Variants in CNPY1 observed in about 807,000 individuals in gnomAD.
CNPY1 encodes the protein protein canopy homolog 1.
CNPY1 carries 14 observed loss-of-function variants against 14.4 expected under a neutral mutation model. The observed-to-expected ratio is 0.97, with a 90% CI of 0.64 to 1.52. The LOEUF is 1.52. CNPY1 is among the 40% of genes most tolerant of loss of function. The pLI, the probability that CNPY1 is intolerant of heterozygous loss-of-function variation, is 0.00. For synonymous variants in CNPY1, 43 were observed against 46.5 expected, an observed-to-expected ratio of 0.92 and a Z score of 0.31; for missense variants, 129 against 131.5, an observed-to-expected ratio of 0.98 and a Z score of 0.09.
intron 2 of CNPY1, among the ~76,000 whole-genome samples, chr7:155,537,757 G>A (rs914512718): frequency 6.6e-6 from 1 of 151,958 alleles, no homozygotes; most frequent in African/African-American, 2.4e-5. Flanking sequence ...ACAAAATCAC[G>A]TGTCTGTGTA....
At chr7:155,530,533 T>C (rs1197199729) in intron 2 of CNPY1, among the ~76,000 whole-genome samples, 1 of 152,146 alleles carries the variant, frequency 6.6e-6, no homozygotes, top group Admixed American at 6.5e-5. Context: ...GATCTTGCTA[T>C]GTTGCCCAGG....
At chr7:155,533,319 C>T (rs6949399) in intron 2 of CNPY1, among the ~76,000 whole-genome samples, 10,895 of 152,234 alleles carry the variant, frequency 0.072, 1,319 homozygotes, top group African/African-American at 0.25. Context: ...TCGGATGTGC[C>T]GGCTCGGAAC....
chr7:155,524,637 A>T (rs1036558225), intron 2 of CNPY1, among the ~76,000 whole-genome samples: 1 of 152,216 alleles, frequency 6.6e-6, no homozygotes, highest in Admixed American at 6.5e-5. Context: ...GGGACCAACT[A>T]ATTGTAGGAA....
chr7:155,539,872 G>A (rs1797064787), intron 2 of CNPY1, among the ~76,000 whole-genome samples: 1 of 152,172 alleles, frequency 6.6e-6, no homozygotes, highest in African/African-American at 2.4e-5. Flanking sequence ...GACGCAGGAG[G>A]CAGACATTAT....
At chr7:155,512,422 TC>T (rs1309365415) in intron 2 of CNPY1, among the ~76,000 whole-genome samples, 1 of 152,126 alleles carries the variant, frequency 6.6e-6, no homozygotes. Flanking sequence ...TGCCTATTTC[TC>T]CCCCTTTACG....
chr7:155,509,154 C>G, intron 2 of CNPY1, 57 bp from the exon 3 acceptor site: 1 of 1,041,670 alleles, frequency 9.6e-7, no homozygotes, highest in South Asian at 1.7e-5. Context: ...ACTTCAAAGA[C>G]CTTCCGGCGA....
At chr7:155,538,490 C>T (rs1797048060) in intron 2 of CNPY1, among the ~76,000 whole-genome samples, 1 of 152,144 alleles carries the variant, frequency 6.6e-6, no homozygotes. Flanking sequence ...CCTCCCACCC[C>T]CCTCCTGCTA....
At chr7:155,533,728 G>C (rs965357024) in intron 2 of CNPY1, 1 of 152,162 alleles carries the variant, frequency 6.6e-6, no homozygotes, top group Non-Finnish European at 1.5e-5. Context: ...AATTTCTTAC[G>C]GAGAGGAGAA....
chr7:155,532,487 G>C (rs1368875914), intron 2 of CNPY1, among the ~76,000 whole-genome samples: 1 of 152,172 alleles, frequency 6.6e-6, no homozygotes, highest in Non-Finnish European at 1.5e-5. Flanking sequence ...CGGGCACGGT[G>C]GTGGGCGCCT....
rs114421958 is a variant in CNPY1 at position 155,542,456 on chromosome 7, C to T, written c.99+3375G>A. On this transcript the variant is annotated intron_variant, in intron 2 of 4. Coordinates refer to ENST00000636446, the MANE Select transcript of CNPY1 (RefSeq NM_001393663.1). ...TTCATGGAGACCTCTGCTTGCCCTT[C>T]GGGGCTCACCCAAGCTTCCTGACTG... 5.5e-3 allele frequency among the ~76,000 whole-genome samples: 842 copies of T among 152,296 alleles called. 6 individuals carry two copies. The highest frequency in any genetic ancestry group is 0.019 in the African/African-American group (786 of 41,568).
At chr7:155,513,993 T>C (rs1585307387) in intron 2 of CNPY1, among the ~76,000 whole-genome samples, 1 of 152,376 alleles carries the variant, frequency 6.6e-6, no homozygotes, top group East Asian at 1.9e-4. Context: ...TTAAAAAATC[T>C]TCTAAGCAAG....
At chr7:155,529,149 G>C (rs78923682) in intron 2 of CNPY1, among the ~76,000 whole-genome samples, 38,668 of 152,052 alleles carry the variant, frequency 0.25, 5,906 homozygotes, top group East Asian at 0.33. Context: ...CCCCAGGAGA[G>C]GGAACTGGAC....
At chr7:155,529,551 C>T (rs1796899015) in intron 2 of CNPY1, among the ~76,000 whole-genome samples, 1 of 152,096 alleles carries the variant, frequency 6.6e-6, no homozygotes, top group Non-Finnish European at 1.5e-5. Context: ...TGGCAACCCT[C>T]GGCATTCCTT....
chr7:155,524,457 G>T (rs1020197804), intron 2 of CNPY1, among the ~76,000 whole-genome samples: 27 of 152,182 alleles, frequency 1.8e-4, no homozygotes, highest in Middle Eastern at 3.2e-3. Flanking sequence ...GCTCCCCATT[G>T]TTCACATTAC....
chr7:155,506,893 G>C, intron 4 of CNPY1, 127 bp downstream of exon 4: 2 of 676,236 alleles, frequency 3.0e-6, no homozygotes, highest in Non-Finnish European at 5.3e-6. Flanking sequence ...GCGGAGACGG[G>C]GGATCCTGTG....
At chr7:155,505,901 CA>C (rs764970631) in intron 4 of CNPY1, among the ~76,000 whole-genome samples, 4 of 152,100 alleles carry the variant, frequency 2.6e-5, no homozygotes, top group Non-Finnish European at 5.9e-5. Context: ...TATTCTTTTG[CA>C]AGCTTCATTA....
At chr7:155,503,246 T>C (rs1796179753) in intron 4 of CNPY1, 141 bp from the exon 5 acceptor site, 2 of 723,032 alleles carry the variant, frequency 2.8e-6, no homozygotes, top group Non-Finnish European at 4.5e-6. Flanking sequence ...CAAAATGTTA[T>C]TATAGAAATT....
Position 155,510,912 on chromosome 7 carries a change from C to G in CNPY1, c.100-1815G>C, listed in dbSNP as rs566279811. On this transcript the variant is annotated intron_variant, in intron 2 of 4. Coordinates refer to ENST00000636446, the MANE Select transcript of CNPY1 (RefSeq NM_001393663.1). Reference sequence around the variant, plus strand: ...GGCAGATTTTAAAATGTAATTTAATCAAGACAGATCATTAGCGGAAAGATT... The same window carrying G: ...GGCAGATTTTAAAATGTAATTTAATGAAGACAGATCATTAGCGGAAAGATT... Among the ~76,000 whole-genome samples the G allele has an allele frequency of 8.5e-5, 13 of 152,304 alleles. 1 individual carries two copies. In the South Asian group the frequency reaches 2.3e-3, roughly 27 times the overall value.
intron 2 of CNPY1, among the ~76,000 whole-genome samples, chr7:155,515,914 C>T (rs745899816): frequency 1.4e-4 from 22 of 152,118 alleles, no homozygotes; most frequent in African/African-American, 5.3e-4. Context: ...ATCTAAGGCT[C>T]ATCCCTCCCC....
Sources: gnomAD v4.1 joint callset for allele counts (sites outside exome capture counted in the v4.1 genomes callset) on GRCh38, gnomAD v4.1.1 for gene constraint, MANE v1.5 for transcripts, NCBI Gene and HGNC (gene_info 2026-07-23, HGNC 2026-07-21) for gene names.